Variants in ENC1 observed in about 807,000 individuals in gnomAD.
ENC1 encodes ectodermal-neural cortex 1, also known as ectoderm-neural cortex protein 1.
In ENC1, 19 loss-of-function variants were observed where a neutral mutation model predicts 40.9. The ratio of observed to expected loss-of-function variants is 0.46; its 90% CI spans 0.32 to 0.68. The LOEUF (loss-of-function observed/expected upper bound fraction) is 0.68, where lower values mean the gene tolerates loss of function less well. Ranked by LOEUF, ENC1 falls within the 30% of genes least tolerant of loss-of-function variation. ENC1 has a pLI of 0.03. For synonymous variants in ENC1, 285 were observed against 291.1 expected (o/e 0.98, Z 0.21); for missense variants, 479 against 737.5 (o/e 0.65, Z 4.06).
At chr5:74,638,972 A>C (rs1332638953) in intron 1 of ENC1, among the ~76,000 whole-genome samples, 1 of 152,206 alleles carries the variant, frequency 6.6e-6, no homozygotes, top group Non-Finnish European at 1.5e-5. Context: ...CACCTAAGAA[A>C]ACAATTTGCT....
chr5:74,630,477 CTT>C (rs1747355110), intron 2 of ENC1, among the ~76,000 whole-genome samples: 1 of 152,182 alleles, frequency 6.6e-6, no homozygotes, highest in African/African-American at 2.4e-5. Context: ...TCCAAATTAA[CTT>C]TACCATCTAG....
chr5:74,627,975 G>A lies in ENC1; in HGVS notation c.*2050C>T, dbSNP rs1390898871. Reference sequence around the variant, plus strand: ...AACAGACCCCAACTTTGAAACAGCTGCAGAAAATTCATCCTGCTTTCAGAA... The same window carrying A: ...AACAGACCCCAACTTTGAAACAGCTACAGAAAATTCATCCTGCTTTCAGAA... On this transcript the variant is annotated 3_prime_UTR_variant, in exon 3 of 3. Transcript: ENST00000302351. 6.5e-6 allele frequency: 1 copy of A among 152,690 alleles called. No homozygotes were observed. The highest frequency in any genetic ancestry group is 2.4e-5 in the African/African-American group (1 of 41,450). The allele number at this position is 152,690 out of a possible 1,614,324, so 9.5% of individuals were successfully genotyped here.
intron 2 of ENC1, among the ~76,000 whole-genome samples, chr5:74,631,779 G>A (rs930346653): frequency 2.6e-5 from 4 of 152,196 alleles, no homozygotes; most frequent in African/African-American, 9.7e-5. Context: ...GAAGTCAAGT[G>A]TTTGCCAACA....
At chr5:74,630,372 G>A (rs570945233) in intron 2 of ENC1, among the ~76,000 whole-genome samples, 1 of 152,218 alleles carries the variant, frequency 6.6e-6, no homozygotes, top group East Asian at 1.9e-4. Context: ...ATTTCTTTCT[G>A]TGGTTAAACA....
chr5:74,633,901 G>T (rs1267725043), intron 2 of ENC1, among the ~76,000 whole-genome samples: 2 of 152,214 alleles, frequency 1.3e-5, no homozygotes, highest in Non-Finnish European at 2.9e-5. Flanking sequence ...CCACGGGGTT[G>T]TTGTGAGGAT....
rs769459567 is a variant in ENC1 at position 74,634,797 on chromosome 5, G to A, written c.1689C>T (p.Asp563=). The A allele has an allele frequency of 4.4e-5, 71 of 1,613,840 alleles. No individual in the cohort carries two copies. The highest frequency in any genetic ancestry group is 8.9e-5 in the East Asian group (4 of 44,898). ...KTLDCYDPTL[D]VWNSITTVPY... is the part of the protein sequence containing the mutation. ...GGACAGTGGTGATGCTGTTCCACACGTCTAATGTTGGATCGTAGCAGTCCA... is the reference window on the plus strand; with the variant it reads ...GGACAGTGGTGATGCTGTTCCACACATCTAATGTTGGATCGTAGCAGTCCA... The change falls in exon 2 of 3, where the codon GAC becomes GAT. Residue 563 remains aspartate, a synonymous_variant. Coordinates refer to ENST00000302351, the MANE Select transcript of ENC1 (RefSeq NM_003633.4).
intron 1 of ENC1, among the ~76,000 whole-genome samples, chr5:74,639,767 A>C (rs1561195620): frequency 6.6e-6 from 1 of 152,210 alleles, no homozygotes; most frequent in Non-Finnish European, 1.5e-5. Flanking sequence ...TTTGTAACTA[A>C]TAATGTTAAC....
At chr5:74,638,909 T>G (rs1747715113) in intron 1 of ENC1, among the ~76,000 whole-genome samples, 1 of 152,240 alleles carries the variant, frequency 6.6e-6, no homozygotes, top group Non-Finnish European at 1.5e-5. Context: ...AGAACACATT[T>G]CCTTGAACAT....
At chr5:74,632,754 G>A (rs1277171538) in intron 2 of ENC1, among the ~76,000 whole-genome samples, 1 of 152,198 alleles carries the variant, frequency 6.6e-6, no homozygotes, top group Admixed American at 6.5e-5. Flanking sequence ...GGAAGGCTGA[G>A]GCAGGAGAAT....
chr5:74,639,941 G>A (rs1747782124), intron 1 of ENC1: 1 of 152,342 alleles, frequency 6.6e-6, no homozygotes, highest in Admixed American at 6.5e-5. Context: ...CGCGCGCTCG[G>A]CCCTGGAGGC....
intron 2 of ENC1, among the ~76,000 whole-genome samples, chr5:74,633,201 G>T (rs968232782): frequency 6.6e-5 from 10 of 152,196 alleles, no homozygotes; most frequent in African/African-American, 2.4e-4. Flanking sequence ...ATGCCTAAGC[G>T]ATTCCTGGGG....
Position 74,635,787 on chromosome 5 carries a change from C to A in ENC1, c.699G>T (p.Leu233Phe). The A allele has an allele frequency of 6.2e-7, 1 of 1,613,972 alleles. No homozygotes were observed. Among genetic ancestry groups the A allele is most frequent in the Non-Finnish European group, 8.5e-7 (1 of 1,179,886 alleles). Residue 233 changes from leucine to phenylalanine, a missense_variant, in exon 2 of 3, where the codon TTG becomes TTT. By Grantham distance (22) the Leu-to-Phe change is conservative. Transcript: ENST00000302351. The surrounding 1 kb of genome is among the most constrained non-coding windows in gnomAD (Gnocchi z 5.5). ...KKRYCYLPEL[L>F]QTVRLALLPA... ...GCAGAAGTGCCAGCCTTACTGTCTG[C>A]AACAGTTCTGGGAGGTAGCAATAGC...
In ENC1 at chr5:74,635,533, T is replaced by C. The variant is rs1328025306; in HGVS notation, c.953A>G (p.Lys318Arg). ...DKLYLVDQKA[K>R]EIIPKADIPS... is the part of the protein sequence containing the mutation. ...AATGTCAGCCTTGGGAATGATTTCT[T>C]TGGCCTTCTGGTCTACCAGATACAA... Residue 318 changes from lysine (K) to arginine (R), a missense_variant, in exon 2 of 3, where the codon AAA becomes AGA. Physicochemically the swap from Lys to Arg is conservative, Grantham distance 26. Coordinates refer to ENST00000302351, the MANE Select transcript of ENC1 (RefSeq NM_003633.4). The surrounding 1 kb of genome is among the most constrained non-coding windows in gnomAD (Gnocchi z 5.5). 5.6e-6 allele frequency: 9 copies of C among 1,614,236 alleles called. No individual in the cohort carries two copies. The highest frequency in any genetic ancestry group is 1.3e-5 in the African/African-American group (1 of 75,062).
chr5:74,634,762 A>G lies in ENC1; in HGVS notation c.1724T>C (p.Leu575Pro). 1 of 1,613,874 alleles carries G rather than the reference A, an allele frequency of 6.2e-7. No homozygotes were observed. Among genetic ancestry groups the G allele is most frequent in the Non-Finnish European group, 8.5e-7 (1 of 1,179,730 alleles). ...GGTGCTGACAAATGCAGTAGGAATCAGCGAGTACGGGACAGTGGTGATGCT... is the reference window on the plus strand; with the variant it reads ...GGTGCTGACAAATGCAGTAGGAATCGGCGAGTACGGGACAGTGGTGATGCT... ...WNSITTVPYSLIPTAFVSTWK... is the reference protein window; with the variant it reads ...WNSITTVPYSPIPTAFVSTWK... Residue 575 changes from leucine to proline, a missense_variant, in exon 2 of 3, where the codon CTG (leucine) becomes CCG (proline). Leu to Pro is a moderately conservative substitution (Grantham distance 98, BLOSUM62 -3). Coordinates refer to ENST00000302351, the MANE Select transcript of ENC1 (RefSeq NM_003633.4).
At chr5:74,632,037 A>G (rs1278296053) in intron 2 of ENC1, 1 of 152,236 alleles carries the variant, frequency 6.6e-6, no homozygotes, top group Non-Finnish European at 1.5e-5. Flanking sequence ...CTCATTTGAC[A>G]GAGAAGCAAC....
intron 2 of ENC1, among the ~76,000 whole-genome samples, chr5:74,631,181 CACA>C (rs368996589): frequency 1.1e-4 from 17 of 150,140 alleles, no homozygotes; most frequent in African/African-American, 2.0e-4. Context: ...AAAAAGGACA[CACA>C]ACAACAACAA....
chr5:74,638,788 C>T (rs772710973), intron 1 of ENC1, among the ~76,000 whole-genome samples: 4 of 152,206 alleles, frequency 2.6e-5, no homozygotes, highest in African/African-American at 9.6e-5. Context: ...GTGAATCTGC[C>T]GCCTCTCTCA....
chr5:74,639,968 G>A (rs1339474764), intron 1 of ENC1: 1 of 152,222 alleles, frequency 6.6e-6, no homozygotes, highest in Non-Finnish European at 1.5e-5. Flanking sequence ...GAGCGACGCA[G>A]CGCGACATTC....
intron 1 of ENC1, among the ~76,000 whole-genome samples, chr5:74,639,596 A>G (rs951849524): frequency 6.6e-6 from 1 of 152,216 alleles, no homozygotes; most frequent in Admixed American, 6.5e-5. Context: ...TACCGGTAAC[A>G]ATAGAACATT....
Sources: gnomAD v4.1 joint callset for allele counts (sites outside exome capture counted in the v4.1 genomes callset) on GRCh38, gnomAD v4.1.1 for gene constraint, Gnocchi (gnomAD v3.1) non-coding constraint, MANE v1.5 for transcripts, NCBI Gene and HGNC (gene_info 2026-07-23, HGNC 2026-07-21) for gene names.